Variants in ANKS1A observed in about 807,000 individuals in gnomAD.
ANKS1A encodes the protein ankyrin repeat and sterile alpha motif domain containing 1A, also known as ankyrin repeat and SAM domain-containing protein 1A.
A neutral mutation model predicts 120.3 loss-of-function variants in ANKS1A; 55 were observed. The observed-to-expected ratio is 0.46, with a 90% CI of 0.37 to 0.57. The LOEUF is 0.57. ANKS1A is among the 20% of genes least tolerant of loss of function. The pLI is 0.00. For synonymous variants in ANKS1A, 590 were observed against 604.7 expected, an observed-to-expected ratio of 0.98 and a Z score of 0.36; for missense variants, 1,123 against 1,480.3, an observed-to-expected ratio of 0.76 and a Z score of 3.96.
At chr6:35,015,997 G>A (rs1166157869) in intron 10 of ANKS1A, among the ~76,000 whole-genome samples, 1 of 152,212 alleles carries the variant, frequency 6.6e-6, no homozygotes, top group Admixed American at 6.5e-5. Context: ...TACCCAGGCA[G>A]GCATCTCACA....
At chr6:35,069,913 G>A (rs9469935) in intron 13 of ANKS1A, among the ~76,000 whole-genome samples, 5,166 of 151,268 alleles carry the variant, frequency 0.034, 157 homozygotes, top group African/African-American at 0.089. Context: ...TGTAATCCCA[G>A]CTACTTGGGA....
In ANKS1A at chr6:34,994,309, C is replaced by A; in HGVS notation, c.1310C>A (p.Ser437Tyr). The A allele has an allele frequency of 6.2e-7, 1 of 1,613,284 alleles. No individual in the cohort carries two copies. The highest frequency in any genetic ancestry group is 1.1e-5 in the South Asian group (1 of 91,044). ...YFPLTASEVLSMRPRIHGSAA... is the reference protein window; with the variant it reads ...YFPLTASEVLYMRPRIHGSAA... The stretch of plus-strand genomic sequence containing the variant: ...GATGTTTCTCTCCCTTAGGTTCTGT[C>A]CATGAGACCTAGGATTCATGGGAGT... The change falls in exon 10 of 24, where the codon TCC (serine) becomes TAC (tyrosine). Residue 437 changes from serine (S) to tyrosine (Y), a missense_variant. Physicochemically the swap from Ser to Tyr is moderately radical, Grantham distance 144 (BLOSUM62 -2). Transcript: ENST00000360359.
At chr6:35,094,071 A>T (rs1778388429), downstream of ANKS1A, among the ~76,000 whole-genome samples, 1 of 152,200 alleles carries the variant, frequency 6.6e-6, no homozygotes, top group Non-Finnish European at 1.5e-5. Context: ...GTGTCAGTGG[A>T]GGCCAGGTGG....
chr6:34,910,723 G>A (rs773293750), intron 1 of ANKS1A, among the ~76,000 whole-genome samples: 1 of 151,892 alleles, frequency 6.6e-6, no homozygotes, highest in African/African-American at 2.4e-5. Context: ...TTACCCAGGC[G>A]TGGTGGTGGG....
intron 20 of ANKS1A, 123 bp from the exon 21 acceptor site, chr6:35,083,998 A>AG: frequency 2.8e-6 from 4 of 1,441,466 alleles, no homozygotes; most frequent in East Asian, 4.6e-5. Flanking sequence ...GAGAAGATGA[A>AG]GGGGGGTTTG....
intron 11 of ANKS1A, among the ~76,000 whole-genome samples, chr6:35,019,317 T>A (rs540735188): frequency 6.6e-6 from 1 of 152,306 alleles, no homozygotes; most frequent in East Asian, 1.9e-4. Flanking sequence ...ACAGCTGACA[T>A]GTCCATTTGA....
Position 35,024,979 on chromosome 6 carries a change from G to A in ANKS1A, c.2010+6920G>A, listed in dbSNP as rs528764314. Among the ~76,000 whole-genome samples, 8 of 151,998 alleles carry A rather than the reference G, an allele frequency of 5.3e-5. No individual in the cohort carries two copies. In the South Asian group the frequency reaches 1.7e-3, roughly 32 times the overall value. On this transcript the variant is annotated intron_variant, in intron 11 of 23. Transcript: ENST00000360359. ...CTTTTGTGCTGAGCAAAGCCCTCCC[G>A]CCCTGAACAAGAATGTGACACTCCT...
chr6:35,027,731 G>A (rs1262227749), intron 11 of ANKS1A, among the ~76,000 whole-genome samples: 2 of 152,160 alleles, frequency 1.3e-5, no homozygotes. Context: ...TCTGTGAGAT[G>A]AGATCAGATC....
intron 1 of ANKS1A, among the ~76,000 whole-genome samples, chr6:34,929,805 TTC>T (rs113313247): frequency 2.9e-5 from 4 of 136,032 alleles, no homozygotes; most frequent in Non-Finnish European, 6.3e-5. Flanking sequence ...TCCTTCCTCC[TTC>T]TCTCTCTCTC....
chr6:35,055,324 T>TA (rs143014927), intron 12 of ANKS1A, among the ~76,000 whole-genome samples: 26 of 150,848 alleles, frequency 1.7e-4, no homozygotes, highest in Admixed American at 1.4e-3. Flanking sequence ...AAGTAGTAGA[T>TA]AAAAAAAAAT....
chr6:35,059,132 G>T (rs1776352985), intron 12 of ANKS1A, among the ~76,000 whole-genome samples: 1 of 152,226 alleles, frequency 6.6e-6, no homozygotes, highest in East Asian at 1.9e-4. Flanking sequence ...ACCTGAGCAG[G>T]CAGGTGAGTC....
chr6:34,957,306 G>A (rs1028741298), intron 1 of ANKS1A, among the ~76,000 whole-genome samples: 1 of 152,174 alleles, frequency 6.6e-6, no homozygotes, highest in Non-Finnish European at 1.5e-5. Flanking sequence ...AAGATTACAA[G>A]CTTCTCTGAC....
intron 11 of ANKS1A, among the ~76,000 whole-genome samples, chr6:35,049,002 C>T (rs1022185302): frequency 6.6e-6 from 1 of 152,232 alleles, no homozygotes; most frequent in Non-Finnish European, 1.5e-5. Flanking sequence ...GAGCACTGCC[C>T]TCTGTGGGCA....
intron 13 of ANKS1A, among the ~76,000 whole-genome samples, chr6:35,073,919 A>G (rs1777206007): frequency 6.6e-6 from 1 of 152,192 alleles, no homozygotes; most frequent in Non-Finnish European, 1.5e-5. Flanking sequence ...CCCGGTGCGG[A>G]GATATGGCTA....
intron 1 of ANKS1A, among the ~76,000 whole-genome samples, chr6:34,925,039 T>C (rs888375097): frequency 6.6e-6 from 1 of 152,254 alleles, no homozygotes; most frequent in Non-Finnish European, 1.5e-5. Flanking sequence ...CAGCAGTTAC[T>C]GTAATATTTA....
chr6:34,957,276 CTG>C (rs1428036463), intron 1 of ANKS1A, among the ~76,000 whole-genome samples: 2 of 152,162 alleles, frequency 1.3e-5, no homozygotes, highest in African/African-American at 2.4e-5. Flanking sequence ...TGTTTCATGT[CTG>C]TGTTTTGTCT....
chr6:35,081,079 C>A lies in ANKS1A; in HGVS notation c.2630C>A (p.Pro877Gln). The change falls in exon 17 of 24, where the codon CCA (proline) becomes CAA (glutamine). Residue 877 changes from proline to glutamine, a missense_variant. Pro to Gln is a moderately conservative substitution (Grantham distance 76). Coordinates refer to ENST00000360359, the MANE Select transcript of ANKS1A (RefSeq NM_015245.3). ...CGGTCGGCAGATCTGCTGCTGCCTC[C>A]AGGGGACACAGGCAGGAGGCGCCAT... ...TGRSADLLLP[P>Q]GDTGRRRHDS... 6.2e-7 allele frequency: 1 copy of A among 1,613,946 alleles called. No homozygotes were observed. The highest frequency in any genetic ancestry group is 1.1e-5 in the South Asian group (1 of 91,084).
In ANKS1A at chr6:35,017,898, C is replaced by T; in HGVS notation, c.1849C>T (p.Leu617Phe). The T allele has an allele frequency of 1.9e-6, 3 of 1,614,236 alleles. No individual in the cohort carries two copies. Among genetic ancestry groups the T allele is most frequent in the South Asian group, 1.1e-5 (1 of 91,086 alleles). ...APPTSKPKAE[L>F]KLSRSLSKSD... ...TCCCACTAGCAAACCCAAAGCTGAA[C>T]TCAAACTCAGCCGCAGCTTGTCCAA... is the stretch of plus-strand genomic sequence containing the variant. Residue 617 changes from leucine to phenylalanine, a missense_variant, in exon 11 of 24, where the codon CTC becomes TTC. By Grantham distance (22) the Leu-to-Phe change is conservative. Coordinates refer to ENST00000360359, the MANE Select transcript of ANKS1A (RefSeq NM_015245.3).
intron 13 of ANKS1A, among the ~76,000 whole-genome samples, chr6:35,064,355 G>T (rs543854606): frequency 2.0e-5 from 3 of 152,182 alleles, no homozygotes; most frequent in Non-Finnish European, 4.4e-5. Context: ...AGGCCGGATG[G>T]GAGGCCGCCT....
Sources: gnomAD v4.1 joint callset for allele counts (sites outside exome capture counted in the v4.1 genomes callset) on GRCh38, gnomAD v4.1.1 for gene constraint, MANE v1.5 for transcripts, NCBI Gene and HGNC (gene_info 2026-07-23, HGNC 2026-07-21) for gene names.